PCCA: variants seen among roughly 807,000 people sequenced by gnomAD.
PCCA encodes the protein propionyl-CoA carboxylase subunit alpha.
In PCCA, 74 loss-of-function variants were observed where a neutral mutation model predicts 101.3. That is an observed-to-expected ratio of 0.73 (90% CI 0.61 to 0.89). The LOEUF is 0.89. Among genes scored for constraint, PCCA ranks in the 40% least tolerant of loss-of-function variants. PCCA has a pLI of 0.00. For synonymous variants in PCCA, 294 were observed against 313.6 expected (o/e 0.94, Z 0.66); for missense variants, 891 against 907.0 (o/e 0.98, Z 0.23).
chr13:100,092,908 G>A (rs888750515), intron 1 of PCCA, among the ~76,000 whole-genome samples: 1 of 152,108 alleles, frequency 6.6e-6, no homozygotes, highest in African/African-American at 2.4e-5. Context: ...CTAGTTTCTG[G>A]TGTAAAAAAA....
chr13:100,453,277 G>A (rs2081466505), intron 21 of PCCA, among the ~76,000 whole-genome samples: 1 of 152,110 alleles, frequency 6.6e-6, no homozygotes, highest in South Asian at 2.1e-4. Context: ...TGAGGTGGGA[G>A]GATCACCTGG....
At chr13:100,109,146 A>T (rs2048081577) in intron 2 of PCCA, among the ~76,000 whole-genome samples, 1 of 152,262 alleles carries the variant, frequency 6.6e-6, no homozygotes, top group Non-Finnish European at 1.5e-5. Flanking sequence ...CTAATGCTGA[A>T]TGAGTATATA....
At chr13:100,422,123 CTTTCTTT>C (rs2078858815) in intron 19 of PCCA, among the ~76,000 whole-genome samples, 1 of 56,330 alleles carries the variant, frequency 1.8e-5, no homozygotes, top group Non-Finnish European at 3.7e-5. Context: ...TCTTTCTTTT[CTTTCTTT>C]CTTTCTTTTT....
intron 19 of PCCA, among the ~76,000 whole-genome samples, chr13:100,416,365 A>T (rs1454884323): frequency 6.6e-6 from 1 of 151,898 alleles, no homozygotes; most frequent in Non-Finnish European, 1.5e-5. Flanking sequence ...TATTTTTAGT[A>T]GAGAGAAAGT....
At chr13:100,226,070 C>T (rs1033445628) in intron 7 of PCCA, among the ~76,000 whole-genome samples, 5 of 152,124 alleles carry the variant, frequency 3.3e-5, no homozygotes, top group African/African-American at 1.2e-4. Context: ...GAATTGCAGG[C>T]ATGAGCCACT....
intron 7 of PCCA, 39 bp from the exon 8 acceptor site, chr13:100,235,803 C>T (rs1323656769): frequency 2.0e-6 from 3 of 1,481,778 alleles, no homozygotes; most frequent in East Asian, 2.3e-5. Context: ...TGCAATGCCT[C>T]ATGGGATTAA....
At chr13:100,490,290 G>A (rs184851835) in intron 21 of PCCA, 4 of 152,246 alleles carry the variant, frequency 2.6e-5, no homozygotes, top group Non-Finnish European at 4.4e-5. Context: ...GTATATTACT[G>A]TACTCCAAAG....
chr13:100,299,194 G>A (rs1472264771), intron 12 of PCCA, among the ~76,000 whole-genome samples: 1 of 152,084 alleles, frequency 6.6e-6, no homozygotes, highest in Non-Finnish European at 1.5e-5. Context: ...CCCTAATTTA[G>A]ATTGTAAAAT....
At position 100,445,662 on chromosome 13, in the gene PCCA, G is replaced by C. The variant is rs568044200; in HGVS notation, c.1846-3590G>C. On this transcript the variant is annotated intron_variant, in intron 20 of 23. Coordinates refer to ENST00000376285, the MANE Select transcript of PCCA (RefSeq NM_000282.4). Reference sequence around the variant, plus strand: ...ATTCTTCATGTAAGTGAGGTCATATGGTATGTCTTTCTGTATGTACCTGGC... The same window carrying C: ...ATTCTTCATGTAAGTGAGGTCATATCGTATGTCTTTCTGTATGTACCTGGC... Among the ~76,000 whole-genome samples the C allele has an allele frequency of 2.7e-4, 41 of 152,176 alleles. No individual in the cohort carries two copies. The South Asian group carries it at 5.2e-3, about 19-fold the overall frequency.
At chr13:100,284,083 A>G (rs556849434) in intron 12 of PCCA, among the ~76,000 whole-genome samples, 8,797 of 92,740 alleles carry the variant, frequency 0.095, no homozygotes, top group Middle Eastern at 0.26. Context: ...GGACACTGGC[A>G]CGGCCTTCTC....
intron 6 of PCCA, among the ~76,000 whole-genome samples, chr13:100,174,117 T>TA (rs990021379): frequency 7.2e-5 from 11 of 152,094 alleles, no homozygotes; most frequent in Admixed American, 2.6e-4. Context: ...CACATGTGCT[T>TA]AAAAAAACCT....
chr13:100,333,422 A>C (rs1290003842), intron 17 of PCCA, among the ~76,000 whole-genome samples: 3 of 152,180 alleles, frequency 2.0e-5, no homozygotes, highest in African/African-American at 4.8e-5. Flanking sequence ...ACTGCATTAA[A>C]ATTTTCTATT....
chr13:100,192,800 C>T (rs1231229985), intron 6 of PCCA, among the ~76,000 whole-genome samples: 1 of 152,172 alleles, frequency 6.6e-6, no homozygotes, highest in Non-Finnish European at 1.5e-5. Context: ...TGTCCTTTTC[C>T]CCCTCAAATG....
intron 1 of PCCA, among the ~76,000 whole-genome samples, chr13:100,094,793 G>T (rs1302237944): frequency 6.6e-6 from 1 of 152,054 alleles, no homozygotes; most frequent in African/African-American, 2.4e-5. Flanking sequence ...TCACCATGTC[G>T]GCCTGGCTGG....
chr13:100,389,178 C>T (rs574804744), intron 19 of PCCA, among the ~76,000 whole-genome samples: 25 of 151,912 alleles, frequency 1.6e-4, no homozygotes, highest in Non-Finnish European at 2.8e-4. Flanking sequence ...GCGGAGGCCC[C>T]GAACTGAACA....
chr13:100,421,420 C>G (rs879575284), intron 19 of PCCA, among the ~76,000 whole-genome samples: 4 of 152,042 alleles, frequency 2.6e-5, no homozygotes, highest in Non-Finnish European at 5.9e-5. Context: ...ATACACTATT[C>G]TGTATTTTCT....
intron 20 of PCCA, among the ~76,000 whole-genome samples, chr13:100,446,239 A>C (rs1454323476): frequency 1.3e-5 from 2 of 152,068 alleles, no homozygotes; most frequent in Non-Finnish European, 2.9e-5. Flanking sequence ...CGTGTTGGGC[A>C]GGCTGGTCTC....
intron 16 of PCCA, among the ~76,000 whole-genome samples, chr13:100,310,453 C>T (rs910458834): frequency 6.6e-6 from 1 of 152,100 alleles, no homozygotes; most frequent in African/African-American, 2.4e-5. Context: ...TGTGCTTGAG[C>T]AGTAAATCCA....
At chr13:100,425,867 T>C in intron 20 of PCCA, 136 bp downstream of exon 20, 3 of 677,320 alleles carry the variant, frequency 4.4e-6, no homozygotes, top group Non-Finnish European at 7.9e-6. Flanking sequence ...AGTCGAAAAC[T>C]TTTTCTTTTC....
Sources: allele counts gnomAD v4.1 joint callset (sites outside exome capture counted in the v4.1 genomes callset), GRCh38; gene constraint gnomAD v4.1.1; transcripts MANE v1.5; gene names NCBI Gene and HGNC (gene_info 2026-07-23, HGNC 2026-07-21).